ADAM18: variants seen among roughly 807,000 people sequenced by gnomAD.
ADAM18 encodes the protein ADAM metallopeptidase domain 18.
ADAM18 carries 117 observed loss-of-function variants against 94.4 expected under a neutral mutation model. That is an observed-to-expected ratio of 1.24 (90% CI 1.07 to 1.45). The LOEUF is 1.45. ADAM18 is among the 40% of genes most tolerant of loss of function. ADAM18 has a pLI of 0.00. For synonymous variants in ADAM18, 327 were observed against 291.6 expected (o/e 1.12, Z -1.24); for missense variants, 936 against 880.0 (o/e 1.06, Z -0.81).
chr8:39,652,001 T>C (rs181430752), intron 12 of ADAM18, among the ~76,000 whole-genome samples: 2 of 152,244 alleles, frequency 1.3e-5, no homozygotes, highest in East Asian at 1.9e-4. Flanking sequence ...TATTCACATG[T>C]AGAAGAACAA....
chr8:39,695,631 G>C (rs190645183), intron 17 of ADAM18, among the ~76,000 whole-genome samples: 48 of 150,426 alleles, frequency 3.2e-4, no homozygotes, highest in Non-Finnish European at 6.8e-4. Flanking sequence ...TTCTACTTGA[G>C]GTTTATATGA....
chr8:39,705,014 T>A (rs1822200771), intron 17 of ADAM18, among the ~76,000 whole-genome samples: 1 of 152,130 alleles, frequency 6.6e-6, no homozygotes, highest in Admixed American at 6.5e-5. Context: ...GATATCAAAA[T>A]GCAAAAATGA....
intron 18 of ADAM18, among the ~76,000 whole-genome samples, chr8:39,723,521 C>G (rs941861531): frequency 6.6e-6 from 1 of 151,532 alleles, no homozygotes. Context: ...GCAAACAGCA[C>G]TCTAAACATG....
intron 7 of ADAM18, 70 bp from the exon 8 acceptor site, chr8:39,637,194 T>C: frequency 8.4e-7 from 1 of 1,191,488 alleles, no homozygotes. Flanking sequence ...TCTAATACAA[T>C]GCCTAAATAT....
At chr8:39,716,065 G>T (rs1018835310) in intron 18 of ADAM18, among the ~76,000 whole-genome samples, 1 of 151,688 alleles carries the variant, frequency 6.6e-6, no homozygotes, top group African/African-American at 2.4e-5. Flanking sequence ...TTTCATTCCT[G>T]ATTTTATTTA....
At chr8:39,668,261 T>A in intron 14 of ADAM18, 65 bp downstream of exon 14, 1 of 1,465,952 alleles carries the variant, frequency 6.8e-7, no homozygotes, top group Non-Finnish European at 9.5e-7. Context: ...GTACATTATG[T>A]ACCACACAAC....
At chr8:39,657,694 T>G (rs1271991618) in intron 12 of ADAM18, among the ~76,000 whole-genome samples, 1 of 152,152 alleles carries the variant, frequency 6.6e-6, no homozygotes, top group African/African-American at 2.4e-5. Context: ...AATGTCAATC[T>G]CTTCTAGAAG....
In ADAM18 at chr8:39,584,673, C is replaced by G; in HGVS notation, c.51C>G (p.His17Gln). The G allele has an allele frequency of 1.2e-6, 2 of 1,613,160 alleles. No homozygotes were observed. The change falls in exon 1 of 20, where the codon CAC (histidine) becomes CAG (glutamine). Residue 17 changes from histidine (H) to glutamine (Q), a missense_variant. His to Gln is a conservative substitution (Grantham distance 24). Transcript: ENST00000265707. ...CTGAGCTTGGAAGACTGCAAGCCCA[C>G]GAAGGTAAGTCCATGGGAGCCTCCC... ...LLTELGRLQA[H>Q]EGSEGIFLHV... is the part of the protein sequence containing the mutation.
At chr8:39,729,632 AC>A (rs750753527) in intron 19 of ADAM18, among the ~76,000 whole-genome samples, 6 of 152,122 alleles carry the variant, frequency 3.9e-5, no homozygotes, top group Non-Finnish European at 8.8e-5. Flanking sequence ...AGGTACAAAA[AC>A]ATATACATTT....
intron 16 of ADAM18, among the ~76,000 whole-genome samples, chr8:39,681,453 T>C (rs1398756256): frequency 6.6e-6 from 1 of 152,196 alleles, no homozygotes; most frequent in African/African-American, 2.4e-5. Flanking sequence ...TAAGATGTGC[T>C]TGAATTTCAG....
At chr8:39,651,256 A>T (rs1400081339) in intron 12 of ADAM18, among the ~76,000 whole-genome samples, 3 of 152,174 alleles carry the variant, frequency 2.0e-5, no homozygotes, top group African/African-American at 7.2e-5. Context: ...TCCATTGCCC[A>T]GGGACAGCAG....
chr8:39,709,401 G>A (rs900268043), intron 18 of ADAM18, among the ~76,000 whole-genome samples: 2 of 152,144 alleles, frequency 1.3e-5, no homozygotes, highest in Non-Finnish European at 2.9e-5. Context: ...GGCACAGGAT[G>A]GGGGTGGAAT....
chr8:39,623,957 G>A (rs1819691163), intron 6 of ADAM18, among the ~76,000 whole-genome samples: 3 of 152,102 alleles, frequency 2.0e-5, no homozygotes. Context: ...ATCTTCTTTT[G>A]AGAAAGGCCT....
chr8:39,648,386 C>A lies in ADAM18; in HGVS notation c.1089C>A (p.His363Gln). The change falls in exon 12 of 20, where the codon CAC becomes CAA. Residue 363 changes from histidine (H) to glutamine (Q), a missense_variant. His to Gln is a conservative substitution (Grantham distance 24). Coordinates refer to ENST00000265707, the MANE Select transcript of ADAM18 (RefSeq NM_014237.3). ...AGATTTTTAGCAACTGCAGCATGCA[C>A]GACTATAGATATTTTGTTTCAAAAT... ...GRKIFSNCSM[H>Q]DYRYFVSKFE... 1 of 1,611,248 alleles carries A rather than the reference C, an allele frequency of 6.2e-7. No individual in the cohort carries two copies. Among genetic ancestry groups the A allele is most frequent in the East Asian group, 2.2e-5 (1 of 44,748 alleles).
At chr8:39,677,613 G>T in intron 15 of ADAM18, 77 bp downstream of exon 15, 2 of 994,182 alleles carry the variant, frequency 2.0e-6, no homozygotes, top group South Asian at 1.8e-5. Context: ...AAGTAGTAAT[G>T]AACACTAAAA....
At chr8:39,618,934 A>G (rs571292147) in intron 6 of ADAM18, among the ~76,000 whole-genome samples, 37 of 152,340 alleles carry the variant, frequency 2.4e-4, no homozygotes, top group African/African-American at 7.9e-4. Context: ...ACAATCCTGC[A>G]TACAACTTGG....
At position 39,665,318 on chromosome 8, in the gene ADAM18, T is replaced by C. The variant is rs182339207; in HGVS notation, c.1326+1428T>C. On this transcript the variant is annotated intron_variant, in intron 13 of 19. Coordinates refer to ENST00000265707, the MANE Select transcript of ADAM18 (RefSeq NM_014237.3). ...AGTAGTATTGCAAGGATTGTAAGGA[T>C]GTACCACAGTTCATTCATCCATTCC... is the stretch of plus-strand genomic sequence containing the variant. 2.7e-3 allele frequency among the ~76,000 whole-genome samples: 407 copies of C among 152,334 alleles called. 1 individual carries two copies. The highest frequency in any genetic ancestry group is 4.7e-3 in the Non-Finnish European group (323 of 68,020).
rs576362154 is a variant in ADAM18 at position 39,713,948 on chromosome 8, C to A, written c.2017+7044C>A. On this transcript the variant is annotated intron_variant, in intron 18 of 19. Transcript: ENST00000265707. ...AGCCATCCCATTACTGGGTATATACCCAAAGGATTATAAATCATGCTACTA... is the reference window on the plus strand; with the variant it reads ...AGCCATCCCATTACTGGGTATATACACAAAGGATTATAAATCATGCTACTA... Among the ~76,000 whole-genome samples, 8 of 152,102 alleles carry A rather than the reference C, an allele frequency of 5.3e-5. No homozygotes were observed. In the East Asian group the frequency reaches 1.5e-3, roughly 29 times the overall value.
intron 18 of ADAM18, among the ~76,000 whole-genome samples, chr8:39,710,259 G>A (rs565818006): frequency 3.9e-5 from 6 of 152,284 alleles, no homozygotes; most frequent in African/African-American, 7.2e-5. Context: ...AAAATTGTAT[G>A]AGGTATTTGT....
Sources: gnomAD v4.1 joint callset for allele counts (sites outside exome capture counted in the v4.1 genomes callset) on GRCh38, gnomAD v4.1.1 for gene constraint, MANE v1.5 for transcripts, NCBI Gene and HGNC (gene_info 2026-07-23, HGNC 2026-07-21) for gene names.